Variants in PI4K2B observed in about 807,000 individuals in gnomAD.
PI4K2B encodes the protein phosphatidylinositol 4-kinase type 2 beta.
Under a neutral mutation model 56.6 loss-of-function variants are expected in PI4K2B, and 46 were observed. That is an observed-to-expected ratio of 0.81 (90% CI 0.64 to 1.04). The LOEUF (loss-of-function observed/expected upper bound fraction) is 1.04, where lower values mean the gene tolerates loss of function less well. Ranked by LOEUF, PI4K2B falls within the 50% of genes least tolerant of loss-of-function variation. The pLI, the probability that PI4K2B is intolerant of heterozygous loss-of-function variation, is 0.00. For synonymous variants in PI4K2B, 211 were observed against 223.8 expected (o/e 0.94, Z 0.51); for missense variants, 556 against 607.7 (o/e 0.91, Z 0.89).
chr4:25,251,826 G>GTTGTTATTATTATTA (rs1553889412), intron 1 of PI4K2B, among the ~76,000 whole-genome samples: 1 of 150,508 alleles, frequency 6.6e-6, no homozygotes, highest in African/African-American at 2.5e-5. Flanking sequence ...TGTTGTTGTT[G>GTTGTTATTATTATTA]TTATTATTAT....
At chr4:25,264,700 A>G (rs558238593) in intron 7 of PI4K2B, among the ~76,000 whole-genome samples, 39 of 151,574 alleles carry the variant, frequency 2.6e-4, no homozygotes, top group African/African-American at 8.7e-4. Flanking sequence ...GCGAAACCCC[A>G]TCTCTACAAA....
intron 4 of PI4K2B, chr4:25,258,612 C>T (rs1716345525): frequency 4.7e-6 from 1 of 213,712 alleles, no homozygotes; most frequent in South Asian, 1.7e-4. Flanking sequence ...TATTTTATGT[C>T]ATAAAAAGAA....
At chr4:25,275,059 C>G (rs1003194241) in intron 9 of PI4K2B, among the ~76,000 whole-genome samples, 18 of 152,200 alleles carry the variant, frequency 1.2e-4, no homozygotes, top group Admixed American at 9.8e-4. Flanking sequence ...CCGCCTTGGC[C>G]TCCCAAAGTG....
intron 1 of PI4K2B, among the ~76,000 whole-genome samples, chr4:25,240,461 C>T (rs529036116): frequency 6.6e-6 from 1 of 152,286 alleles, no homozygotes; most frequent in South Asian, 2.1e-4. Flanking sequence ...GTTCCTGTAG[C>T]AGTAGCCATT....
chr4:25,246,487 T>G (rs1458816277), intron 1 of PI4K2B, among the ~76,000 whole-genome samples: 1 of 152,314 alleles, frequency 6.6e-6, no homozygotes, highest in East Asian at 1.9e-4. Flanking sequence ...TGCTGATTGG[T>G]GTATTTACAA....
At chr4:25,273,626 G>A (rs755267760) in intron 9 of PI4K2B, among the ~76,000 whole-genome samples, 2 of 152,132 alleles carry the variant, frequency 1.3e-5, no homozygotes, top group Non-Finnish European at 1.5e-5. Flanking sequence ...CTGGCCAATC[G>A]GCAACATTTA....
rs577219392 is a variant in PI4K2B at position 25,244,977 on chromosome 4, G to A, written c.269-7344G>A. 2.0e-5 allele frequency among the ~76,000 whole-genome samples: 3 copies of A among 152,310 alleles called. No individual in the cohort carries two copies. The East Asian group carries it at 5.8e-4, about 29-fold the overall frequency. ...AGATGTTATGCCCCAAAAATGAAGT[G>A]GAGAGCCATACCCTGAGGGAGGGAA... On this transcript the variant is annotated intron_variant, in intron 1 of 9. Transcript: ENST00000264864.
chr4:25,267,432 G>A (rs570376245), intron 7 of PI4K2B, among the ~76,000 whole-genome samples: 4 of 152,382 alleles, frequency 2.6e-5, no homozygotes, highest in Admixed American at 1.3e-4. Context: ...GCGCACTCCT[G>A]TAGTCCTAGC....
rs75556315 is a variant in PI4K2B, at chr4:25,276,844, T to C, written c.1273-170T>C. ...GCGTGTGTGTGTGCGCGTGTGTGTG[T>C]AAACATACATTCATATAATACATAT... On this transcript the variant is annotated intron_variant, in intron 9 of 9. Coordinates refer to ENST00000264864, the MANE Select transcript of PI4K2B (RefSeq NM_018323.4). 1.8e-3 allele frequency: 1,724 copies of C among 985,084 alleles called. 19 individuals carry two copies. In the African/African-American group the frequency reaches 0.028, roughly 16 times the overall value. 61.0% of individuals were successfully genotyped at this position (985,084 alleles called of 1,614,324 possible).
chr4:25,244,780 G>A (rs955791646), intron 1 of PI4K2B, among the ~76,000 whole-genome samples: 46 of 151,982 alleles, frequency 3.0e-4, no homozygotes, highest in African/African-American at 1.0e-3. Context: ...GCTCACTGAC[G>A]CAGCAGCAGA....
At position 25,273,474 on chromosome 4, in the gene PI4K2B, AC is replaced by A. The variant is rs560317508; in HGVS notation, c.1273-3536del. Among the ~76,000 whole-genome samples the A allele has an allele frequency of 3.5e-4, 54 of 152,296 alleles. No individual in the cohort carries two copies. In the East Asian group the frequency reaches 0.01, roughly 29 times the overall value. ...ACCCTTTAGTACCTCCTGGTACTTG[AC>A]CCCTTACTGGACACTTTAATGATGC... On this transcript the variant is annotated intron_variant, in intron 9 of 9. Transcript: ENST00000264864.
At position 25,238,936 on chromosome 4, in the gene PI4K2B, G is replaced by A. The variant is rs183718109; in HGVS notation, c.268+4505G>A. On this transcript the variant is annotated intron_variant, in intron 1 of 9. Transcript: ENST00000264864. ...GGTCCATTTTACAGAGCACTGATTG[G>A]TCTGTTTTACAGAGAGCTGATTGGT... Among the ~76,000 whole-genome samples, 1,176 of 152,204 alleles carry A rather than the reference G, an allele frequency of 7.7e-3. 7 individuals are homozygous for A. The highest frequency in any genetic ancestry group is 0.011 in the Non-Finnish European group (759 of 68,016).
rs1488384131 is a variant in PI4K2B at position 25,247,022 on chromosome 4, G to A, written c.269-5299G>A. Among the ~76,000 whole-genome samples, 4 of 152,214 alleles carry A rather than the reference G, an allele frequency of 2.6e-5. No individual in the cohort carries two copies. In the South Asian group the frequency reaches 6.2e-4, roughly 24 times the overall value. On this transcript the variant is annotated intron_variant, in intron 1 of 9. Coordinates refer to ENST00000264864, the MANE Select transcript of PI4K2B (RefSeq NM_018323.4). ...CCTCCACACCTCCCCACAAGCTGAG[G>A]GAGCTGGCTTTGGCCTTCGCCAGCC...
At chr4:25,264,469 G>A (rs1716593248) in intron 7 of PI4K2B, among the ~76,000 whole-genome samples, 1 of 151,016 alleles carries the variant, frequency 6.6e-6, no homozygotes, top group Admixed American at 6.6e-5. Flanking sequence ...TAAAATATTG[G>A]TGGTGTGGAC....
At chr4:25,266,404 T>C (rs923382648) in intron 7 of PI4K2B, among the ~76,000 whole-genome samples, 2 of 152,242 alleles carry the variant, frequency 1.3e-5, no homozygotes, top group Non-Finnish European at 2.9e-5. Flanking sequence ...TAGCTGTTTT[T>C]TTAACCCAGT....
At position 25,279,017 on chromosome 4, in the gene PI4K2B, G is replaced by T. The variant is rs986485476; in HGVS notation, c.*1830G>T. 2 of 151,402 alleles carry T rather than the reference G, an allele frequency of 1.3e-5. No homozygotes were observed. The highest frequency in any genetic ancestry group is 2.4e-5 in the African/African-American group (1 of 40,844). The allele number at this position is 151,402 out of a possible 1,614,324, so 9.4% of individuals were successfully genotyped here. Reference sequence around the variant, plus strand: ...ACTGAATTCTTATTTAAATAGTATGGTTTTTTTTCAATAAGTATATTTATA... The same window carrying T: ...ACTGAATTCTTATTTAAATAGTATGTTTTTTTTTCAATAAGTATATTTATA... On this transcript the variant is annotated 3_prime_UTR_variant, in exon 10 of 10. Coordinates refer to ENST00000264864, the MANE Select transcript of PI4K2B (RefSeq NM_018323.4).
At chr4:25,276,711 C>T (rs1262162664) in intron 9 of PI4K2B, 2 of 984,860 alleles carry the variant, frequency 2.0e-6, no homozygotes, top group Non-Finnish European at 2.4e-6. Context: ...CTTCACTTAC[C>T]GTTCTTTGAT....
At chr4:25,245,385 G>T (rs991849566) in intron 1 of PI4K2B, among the ~76,000 whole-genome samples, 1 of 152,180 alleles carries the variant, frequency 6.6e-6, no homozygotes, top group Non-Finnish European at 1.5e-5. Flanking sequence ...AGATAGGATA[G>T]ATGGGCAAAT....
chr4:25,265,845 C>A (rs1716646864), intron 7 of PI4K2B, among the ~76,000 whole-genome samples: 1 of 152,132 alleles, frequency 6.6e-6, no homozygotes. Flanking sequence ...GTCTGCTAAC[C>A]TGAAGGTTGT....
Sources: gnomAD v4.1 joint callset for allele counts (sites outside exome capture counted in the v4.1 genomes callset) on GRCh38, gnomAD v4.1.1 for gene constraint, MANE v1.5 for transcripts, NCBI Gene and HGNC (gene_info 2026-07-23, HGNC 2026-07-21) for gene names.